The following NMNAT1 variants were observed in gnomAD, a reference collection of about 807,000 sequenced individuals.
The protein encoded by NMNAT1 is nicotinamide/nicotinic acid mononucleotide adenylyltransferase 1.
NMNAT1 carries 11 observed loss-of-function variants against 16.7 expected under a neutral mutation model. The ratio of observed to expected loss-of-function variants is 0.66; its 90% CI spans 0.41 to 1.09. The LOEUF is 1.09. Among genes scored for constraint, NMNAT1 ranks in the 50% least tolerant of loss-of-function variants. The pLI is 0.00. For missense variants in NMNAT1, 280 were observed against 332.3 expected (o/e 0.84, Z 1.22); for synonymous variants, 110 against 119.8 (o/e 0.92, Z 0.53).
the NMNAT1 span, among the ~76,000 whole-genome samples, chr1:9,996,299 G>T: frequency 8.0e-6 from 1 of 124,624 alleles, no homozygotes; most frequent in South Asian, 2.7e-4. Flanking sequence ...CACAGAGCGA[G>T]ACTCCGTCTC....
At chr1:9,986,916 CCTGGGCACAGT>C (rs1642051931), downstream of NMNAT1, among the ~76,000 whole-genome samples, 1 of 151,554 alleles carries the variant, frequency 6.6e-6, no homozygotes, top group Non-Finnish European at 1.5e-5. Context: ...GGTGGCTCAG[CCTGGGCACAGT>C]GGCTCACACC....
At chr1:9,961,793 C>T (rs546125077) in intron 1 of NMNAT1, among the ~76,000 whole-genome samples, 18 of 152,066 alleles carry the variant, frequency 1.2e-4, no homozygotes, top group Admixed American at 4.6e-4. Context: ...TTTTTTGAGA[C>T]GGAGTTTTGC....
chr1:9,963,181 G>T (rs921663719), intron 1 of NMNAT1, among the ~76,000 whole-genome samples: 1 of 152,060 alleles, frequency 6.6e-6, no homozygotes, highest in African/African-American at 2.4e-5. Flanking sequence ...GAGAGCTTAA[G>T]AGTCAGGAAA....
chr1:9,975,675 G>T lies in NMNAT1; in HGVS notation c.199G>T (p.Val67Phe), dbSNP rs756903689. Residue 67 changes from valine to phenylalanine, a missense_variant, in exon 3 of 5, where the codon GTC becomes TTC. Physicochemically the swap from Val to Phe is conservative, Grantham distance 50. Coordinates refer to ENST00000377205, the MANE Select transcript of NMNAT1 (RefSeq NM_022787.4). ...KKGLIPAYHR[V>F]IMAELATKNS... is the part of the protein sequence containing the mutation. ...AGGACTCATTCCTGCCTATCACCGG[G>T]TCATCATGGCAGAACTTGCTACCAA... The T allele has an allele frequency of 8.1e-6, 13 of 1,613,892 alleles. No individual in the cohort carries two copies. The highest frequency in any genetic ancestry group is 1.7e-5 in the Admixed American group (1 of 59,970).
At chr1:9,968,069 T>TTTTTTTTGTTG (rs1557467109) in intron 1 of NMNAT1, among the ~76,000 whole-genome samples, 8 of 62,200 alleles carry the variant, frequency 1.3e-4, no homozygotes, top group East Asian at 1.2e-3. Flanking sequence ...CCAAATGTAG[T>TTTTTTTTGTTG]TTTTTTTTTT....
chr1:9,953,134 C>T (rs1044764718), intron 1 of NMNAT1, among the ~76,000 whole-genome samples: 5 of 151,990 alleles, frequency 3.3e-5, no homozygotes, highest in African/African-American at 1.2e-4. Flanking sequence ...GTGCCCGCCA[C>T]CACGCCTGGC....
intron 1 of NMNAT1, among the ~76,000 whole-genome samples, chr1:9,954,085 C>T (rs531117771): frequency 8.5e-5 from 13 of 152,198 alleles, no homozygotes; most frequent in East Asian, 3.9e-4. Context: ...GGATTACAGG[C>T]ATGAGCCACC....
At position 9,982,698 on chromosome 1, in the gene NMNAT1, A is replaced by G. The variant is rs781081892; in HGVS notation, c.837A>G (p.Thr279=). 6 of 1,598,382 alleles carry G rather than the reference A, an allele frequency of 3.8e-6. No individual in the cohort carries two copies. In the African/African-American group the frequency reaches 4.0e-5, roughly 11 times the overall value. ...PLQRNTAEAK[T] ...AGAGAAACACTGCAGAAGCTAAGAC[A>G]TAGGAATTCTACAGCATGATATTTC... is the stretch of plus-strand genomic sequence containing the variant. Residue 279 remains threonine (T), a synonymous_variant, in exon 5 of 5, where the codon ACA becomes ACG. Coordinates refer to ENST00000377205, the MANE Select transcript of NMNAT1 (RefSeq NM_022787.4).
intron 1 of NMNAT1, among the ~76,000 whole-genome samples, chr1:9,943,954 C>T (rs1640893949): frequency 6.6e-6 from 1 of 152,056 alleles, no homozygotes; most frequent in Non-Finnish European, 1.5e-5. Flanking sequence ...TGTAGGGCAG[C>T]TCTTAAAAAG....
chr1:9,944,209 G>A (rs1640906464), intron 1 of NMNAT1, among the ~76,000 whole-genome samples: 1 of 151,988 alleles, frequency 6.6e-6, no homozygotes, highest in African/African-American at 2.4e-5. Flanking sequence ...AGCCGAGATC[G>A]CGCCATTGCA....
chr1:9,970,433 G>T (rs187581730), intron 1 of NMNAT1, among the ~76,000 whole-genome samples: 3 of 151,998 alleles, frequency 2.0e-5, no homozygotes, highest in African/African-American at 7.2e-5. Context: ...AGTGGCTCAC[G>T]CCTGTAATCC....
chr1:9,984,323 A>G lies in NMNAT1; in HGVS notation c.*1622A>G. On this transcript the variant is annotated 3_prime_UTR_variant, in exon 5 of 5. Transcript: ENST00000377205. ...CGGCCTTCCAAAGTGCTGGGATTAC[A>G]GGCATGAGCCACTGCACCCAGCCTG... is the stretch of plus-strand genomic sequence containing the variant. The G allele has an allele frequency of 6.6e-6, 1 of 152,464 alleles. No homozygotes were observed. Among genetic ancestry groups the G allele is most frequent in the Non-Finnish European group, 1.5e-5 (1 of 68,160 alleles). 9.4% of individuals were successfully genotyped at this position (152,464 alleles called of 1,614,324 possible).
intron 1 of NMNAT1, among the ~76,000 whole-genome samples, chr1:9,945,041 C>T (rs577967574): frequency 6.6e-6 from 1 of 152,238 alleles, no homozygotes; most frequent in South Asian, 2.1e-4. Flanking sequence ...CAAAACCAGC[C>T]CGGCCAACAT....
At chr1:9,955,388 A>G (rs1641232271) in intron 1 of NMNAT1, among the ~76,000 whole-genome samples, 1 of 126,316 alleles carries the variant, frequency 7.9e-6, no homozygotes. Context: ...TGGGGACAAG[A>G]GCGAGACTTT....
downstream of NMNAT1, among the ~76,000 whole-genome samples, chr1:9,987,258 C>T (rs537254592): frequency 1.3e-5 from 2 of 152,126 alleles, no homozygotes; most frequent in Admixed American, 1.3e-4. Flanking sequence ...ACCTGTAATC[C>T]CAGCACTTTG....
chr1:9,977,175 G>A (rs1182381135), intron 3 of NMNAT1, among the ~76,000 whole-genome samples: 4 of 151,946 alleles, frequency 2.6e-5, no homozygotes, highest in East Asian at 1.9e-4. Flanking sequence ...CCCAAAGTGC[G>A]GGGATTACAG....
chr1:9,954,846 G>A (rs1378537595), intron 1 of NMNAT1, among the ~76,000 whole-genome samples: 1 of 150,532 alleles, frequency 6.6e-6, no homozygotes, highest in South Asian at 2.1e-4. Context: ...CACGAGAATC[G>A]CTTGAACCCA....
intron 1 of NMNAT1, among the ~76,000 whole-genome samples, chr1:9,944,601 G>A (rs1195398490): frequency 6.6e-6 from 1 of 152,070 alleles, no homozygotes; most frequent in East Asian, 1.9e-4. Context: ...CTGCAGCCTT[G>A]AACTCCTGGG....
chr1:9,971,341 GTC>G (rs200118618), intron 1 of NMNAT1, among the ~76,000 whole-genome samples: 2,563 of 152,000 alleles, frequency 0.017, 47 homozygotes, highest in African/African-American at 0.045. Flanking sequence ...TTGAGATGGA[GTC>G]TCTCTCTGTC....
Sources: gnomAD v4.1 joint callset for allele counts (sites outside exome capture counted in the v4.1 genomes callset) on GRCh38, gnomAD v4.1.1 for gene constraint, MANE v1.5 for transcripts, NCBI Gene and HGNC (gene_info 2026-07-23, HGNC 2026-07-21) for gene names.